Variants in PRKN observed in about 807,000 individuals in gnomAD.
PRKN encodes the protein E3 ubiquitin-protein ligase parkin.
Under a neutral mutation model 59.5 loss-of-function variants are expected in PRKN, and 56 were observed. The observed-to-expected ratio is 0.94, with a 90% CI of 0.76 to 1.18. The LOEUF is 1.18. PRKN is among the 50% of genes most tolerant of loss of function. PRKN has a pLI of 0.00. For synonymous variants in PRKN, 250 were observed against 222.1 expected, an observed-to-expected ratio of 1.13 and a Z score of -1.12; for missense variants, 657 against 596.4, an observed-to-expected ratio of 1.10 and a Z score of -1.06.
At chr6:162,562,089 A>G (rs1779868771) in intron 1 of PRKN, among the ~76,000 whole-genome samples, 1 of 152,062 alleles carries the variant, frequency 6.6e-6, no homozygotes, top group South Asian at 2.1e-4. Context: ...TTTGTTTTGT[A>G]TCTTGGATAC....
chr6:161,700,559 A>G (rs1310364528), intron 7 of PRKN, among the ~76,000 whole-genome samples: 15 of 152,140 alleles, frequency 9.9e-5, no homozygotes, highest in Admixed American at 9.8e-4. Flanking sequence ...GGAGGCTACA[A>G]CTTCCCCATT....
At chr6:161,863,956 T>C (rs1441282089) in intron 6 of PRKN, among the ~76,000 whole-genome samples, 1 of 152,196 alleles carries the variant, frequency 6.6e-6, no homozygotes, top group East Asian at 1.9e-4. Context: ...ATTTTATTGC[T>C]AAAAATGCTA....
intron 6 of PRKN, among the ~76,000 whole-genome samples, chr6:161,830,118 CA>C (rs2128218442): frequency 6.6e-6 from 1 of 152,270 alleles, no homozygotes; most frequent in South Asian, 2.1e-4. Flanking sequence ...TAAGGCTCAG[CA>C]AGGTAAAAAT....
At chr6:161,565,815 C>A (rs182103374) in intron 8 of PRKN, among the ~76,000 whole-genome samples, 1 of 152,260 alleles carries the variant, frequency 6.6e-6, no homozygotes, top group African/African-American at 2.4e-5. Flanking sequence ...CTTCCTGTTA[C>A]ACCAAGAAAA....
intron 3 of PRKN, among the ~76,000 whole-genome samples, chr6:162,235,565 T>C (rs1009976924): frequency 6.2e-4 from 95 of 152,236 alleles, no homozygotes; most frequent in African/African-American, 2.3e-3. Context: ...CCCAGCACTT[T>C]GGGAGGCCAA....
At chr6:161,631,899 T>A (rs1213156824) in intron 7 of PRKN, among the ~76,000 whole-genome samples, 1 of 152,116 alleles carries the variant, frequency 6.6e-6, no homozygotes, top group African/African-American at 2.4e-5. Flanking sequence ...TCTTACCCAA[T>A]TTATCCCATT....
chr6:162,566,618 G>A (rs1036118266), intron 1 of PRKN, among the ~76,000 whole-genome samples: 1 of 152,058 alleles, frequency 6.6e-6, no homozygotes, highest in African/African-American at 2.4e-5. Flanking sequence ...CCAATAACAA[G>A]TAACAAGATT....
chr6:161,865,175 A>G (rs1357384224), intron 6 of PRKN, among the ~76,000 whole-genome samples: 1 of 152,102 alleles, frequency 6.6e-6, no homozygotes, highest in African/African-American at 2.4e-5. Context: ...TTATATTTTG[A>G]AAGGAACCCT....
intron 9 of PRKN, among the ~76,000 whole-genome samples, chr6:161,412,764 C>A (rs577803513): frequency 6.6e-6 from 1 of 150,684 alleles, no homozygotes; most frequent in East Asian, 1.9e-4. Flanking sequence ...CTTCCTCACT[C>A]ATTCCTTCAC....
chr6:161,785,681 G>T, intron 7 of PRKN, 91 bp downstream of exon 7: 1 of 1,215,358 alleles, frequency 8.2e-7, no homozygotes, highest in Non-Finnish European at 1.2e-6. Context: ...TTCTGCTAGG[G>T]TTTACGTATA....
intron 2 of PRKN, among the ~76,000 whole-genome samples, chr6:162,424,591 C>T (rs551760692): frequency 2.2e-4 from 34 of 151,934 alleles, no homozygotes; most frequent in African/African-American, 8.2e-4. Flanking sequence ...AAAAAATTAG[C>T]CGGGTGTGGT....
intron 4 of PRKN, among the ~76,000 whole-genome samples, chr6:162,140,971 CA>C (rs1781754695): frequency 6.6e-6 from 1 of 151,878 alleles, no homozygotes; most frequent in Admixed American, 6.6e-5. Context: ...TACTAAAAAA[CA>C]CACAAAAAGT....
chr6:162,560,389 A>C (rs567995555), intron 1 of PRKN, among the ~76,000 whole-genome samples: 1 of 152,324 alleles, frequency 6.6e-6, no homozygotes, highest in South Asian at 2.1e-4. Flanking sequence ...ACACATAACA[A>C]TTACAAATTA....
chr6:162,663,384 C>T (rs938285958), intron 1 of PRKN, among the ~76,000 whole-genome samples: 9 of 150,480 alleles, frequency 6.0e-5, no homozygotes, highest in Non-Finnish European at 8.9e-5. Flanking sequence ...AGATTTTGTG[C>T]TACCCAGGAA....
intron 1 of PRKN, among the ~76,000 whole-genome samples, chr6:162,552,336 A>G (rs1045970180): frequency 6.6e-6 from 1 of 152,176 alleles, no homozygotes; most frequent in Non-Finnish European, 1.5e-5. Context: ...CTACGTTTTA[A>G]TAAGAGTACC....
chr6:162,001,549 G>A (rs1472280237), intron 5 of PRKN, among the ~76,000 whole-genome samples: 1 of 148,552 alleles, frequency 6.7e-6, no homozygotes, highest in African/African-American at 2.5e-5. Flanking sequence ...GGATTTTTTT[G>A]GTCAATTCTT....
At chr6:161,678,921 G>T (rs1426391294) in intron 7 of PRKN, among the ~76,000 whole-genome samples, 1 of 152,110 alleles carries the variant, frequency 6.6e-6, no homozygotes, top group Non-Finnish European at 1.5e-5. Context: ...AACAAATAAA[G>T]AAAAAACACA....
chr6:162,492,590 G>A (rs1562327844), intron 1 of PRKN, among the ~76,000 whole-genome samples: 2 of 152,182 alleles, frequency 1.3e-5, no homozygotes, highest in East Asian at 1.9e-4. Flanking sequence ...CCTGAGGTCA[G>A]GAGGTCCAGA....
chr6:161,843,796 A>G (rs943583614), intron 6 of PRKN, among the ~76,000 whole-genome samples: 2 of 152,172 alleles, frequency 1.3e-5, no homozygotes, highest in African/African-American at 2.4e-5. Flanking sequence ...TCTCTAAATA[A>G]ATTCATTCAT....
Sources: allele counts gnomAD v4.1 joint callset (sites outside exome capture counted in the v4.1 genomes callset), GRCh38; gene constraint gnomAD v4.1.1; transcripts MANE v1.5; gene names NCBI Gene and HGNC (gene_info 2026-07-23, HGNC 2026-07-21).